Variants in CACNA1H observed in about 807,000 individuals in gnomAD.
The protein encoded by CACNA1H is calcium voltage-gated channel subunit alpha1 H.
Under a neutral mutation model 192.5 loss-of-function variants are expected in CACNA1H, and 149 were observed. That is an observed-to-expected ratio of 0.77 (90% CI 0.68 to 0.89). The LOEUF (loss-of-function observed/expected upper bound fraction) is 0.89. Ranked by LOEUF, CACNA1H falls within the 40% of genes least tolerant of loss-of-function variation. The probability of loss-of-function intolerance (pLI) is 0.00; values close to 1 mark genes in which losing one functional copy is unlikely to be tolerated. For missense variants in CACNA1H, 4,257 were observed against 3,423.5 expected (o/e 1.24, Z -6.08); for synonymous variants, 2,202 against 1,475.2 (o/e 1.49, Z -11.29).
intron 27 of CACNA1H, 92 bp from the exon 28 acceptor site, chr16:1,214,880 C>T: frequency 1.0e-6 from 1 of 962,090 alleles, no homozygotes; most frequent in Non-Finnish European, 1.6e-6. Context: ...CCAGGGCCGG[C>T]CAGCGGGGGC....
chr16:1,206,588 A>G (rs1020984805), intron 12 of CACNA1H: 25 of 474,210 alleles, frequency 5.3e-5, no homozygotes, highest in African/African-American at 4.3e-4. Context: ...CCAGGCTCCA[A>G]CTGGGGTGTT....
At chr16:1,216,175 T>A (rs917836419) in intron 30 of CACNA1H, among the ~76,000 whole-genome samples, 3 of 152,004 alleles carry the variant, frequency 2.0e-5, no homozygotes, top group South Asian at 2.1e-4. Context: ...ACCCGGCACC[T>A]CCTCCTGTTC....
chr16:1,190,714 C>T (rs1014834349), intron 2 of CACNA1H, among the ~76,000 whole-genome samples: 7 of 152,250 alleles, frequency 4.6e-5, no homozygotes, highest in African/African-American at 1.7e-4. Flanking sequence ...GGGGTGGGGT[C>T]CTTGCCATTG....
At position 1,213,830 on chromosome 16, in the gene CACNA1H, A is replaced by C; in HGVS notation, c.4828A>C (p.Ile1610Leu). Residue 1610 changes from isoleucine to leucine, a missense_variant, in exon 27 of 35, where the codon ATT (isoleucine) becomes CTT (leucine). Ile to Leu is a conservative substitution (Grantham distance 5, BLOSUM62 2). Coordinates refer to ENST00000348261, the MANE Select transcript of CACNA1H (RefSeq NM_021098.3). ...CGACTACTCGCCCACGCGCCGCTCC[A>C]TTCACTCGCTGTGCACCAGCCACTA... Reference protein sequence around the residue: ...YADYSPTRRSIHSLCTSHYLD... With the variant: ...YADYSPTRRSLHSLCTSHYLD... The C allele has an allele frequency of 6.3e-7, 1 of 1,595,956 alleles. No individual in the cohort carries two copies. Among genetic ancestry groups the C allele is most frequent in the Non-Finnish European group, 8.5e-7 (1 of 1,172,456 alleles).
intron 2 of CACNA1H, among the ~76,000 whole-genome samples, chr16:1,161,027 G>A (rs754335812): frequency 7.9e-5 from 12 of 152,292 alleles, no homozygotes; most frequent in Admixed American, 5.9e-4. Flanking sequence ...GCCTCGGGGT[G>A]AAGAGGCTCC....
At chr16:1,199,010 C>T (rs912435105) in intron 6 of CACNA1H, 6 of 521,766 alleles carry the variant, frequency 1.1e-5, no homozygotes, top group African/African-American at 6.1e-5. Flanking sequence ...ACGGTGCAGT[C>T]GCTGCACATA....
In CACNA1H at chr16:1,198,698, A is replaced by G. The variant is rs776274017; in HGVS notation, c.727A>G (p.Ile243Val). ...VLLLCFFVFF[I>V]FGIVGVQLWA... ...TCTGCTGTGCTTCTTCGTCTTCTTC[A>G]TTTTCGGCATCGTTGGCGTCCAGCT... Residue 243 changes from isoleucine to valine, a missense_variant, in exon 6 of 35, where the codon ATT (isoleucine) becomes GTT (valine). Ile to Val is a conservative substitution (Grantham distance 29, BLOSUM62 3). Coordinates refer to ENST00000348261, the MANE Select transcript of CACNA1H (RefSeq NM_021098.3). The G allele has an allele frequency of 1.4e-5, 22 of 1,613,216 alleles. No homozygotes were observed. The highest frequency in any genetic ancestry group is 1.8e-5 in the Non-Finnish European group (21 of 1,179,610).
Position 1,218,387 on chromosome 16 carries a change from G to C in CACNA1H, c.5623G>C (p.Glu1875Gln). Residue 1875 changes from glutamate to glutamine, a missense_variant, in exon 33 of 35, where the codon GAG (glutamate) becomes CAG (glutamine). Transcript: ENST00000348261. ...ESNKEAREDA[E>Q]LDAEIELEMA... ...CAACAAGGAGGCACGGGAGGATGCG[G>C]AGCTGGACGCCGAGATCGAGCTGGA... 2.6e-6 allele frequency: 4 copies of C among 1,560,272 alleles called. No individual in the cohort carries two copies. Among genetic ancestry groups the C allele is most frequent in the Non-Finnish European group, 2.6e-6 (3 of 1,153,150 alleles).
intron 2 of CACNA1H, among the ~76,000 whole-genome samples, chr16:1,176,995 A>G (rs1310310274): frequency 6.6e-6 from 1 of 152,062 alleles, no homozygotes; most frequent in Non-Finnish European, 1.5e-5. Context: ...GAGGCGCTGG[A>G]AAAGGCCTGG....
chr16:1,161,397 C>T (rs532699692), intron 2 of CACNA1H, among the ~76,000 whole-genome samples: 1 of 152,318 alleles, frequency 6.6e-6, no homozygotes, highest in East Asian at 1.9e-4. Context: ...GGGCAGAGCC[C>T]CCTGGCCGGA....
At chr16:1,206,055 G>C in intron 11 of CACNA1H, 49 bp from the exon 12 acceptor site, 1 of 1,504,116 alleles carries the variant, frequency 6.6e-7, no homozygotes, top group East Asian at 2.5e-5. Flanking sequence ...ACGAGGGCCT[G>C]GGGTCAGGGA....
At chr16:1,213,650 A>G (rs1049237534) in intron 26 of CACNA1H, 130 bp from the exon 27 acceptor site, 1 of 608,334 alleles carries the variant, frequency 1.6e-6, no homozygotes, top group Admixed American at 3.2e-5. Context: ...GGCCAGCCCC[A>G]TCTTCACATG....
At chr16:1,168,201 C>T (rs74482996) in intron 2 of CACNA1H, among the ~76,000 whole-genome samples, 4 of 151,850 alleles carry the variant, frequency 2.6e-5, no homozygotes, top group Admixed American at 2.6e-4. Context: ...GATCCCCCCC[C>T]CCAAGTGACA....
At chr16:1,200,634 G>A (rs554412075) in intron 7 of CACNA1H, 63 bp downstream of exon 7, 20 of 1,580,898 alleles carry the variant, frequency 1.3e-5, no homozygotes, top group African/African-American at 5.4e-5. Flanking sequence ...TGCAGGACTC[G>A]CCCCCCCCAG....
At chr16:1,195,206 G>A (rs959194883) in intron 3 of CACNA1H, 123 bp downstream of exon 3, 4 of 696,270 alleles carry the variant, frequency 5.7e-6, no homozygotes, top group Admixed American at 2.6e-5. Flanking sequence ...CAGGGTCGGG[G>A]ATCAGGGCGA....
In CACNA1H at chr16:1,207,047, G is replaced by T; in HGVS notation, c.2836G>T (p.Asp946Tyr). 1 of 1,601,806 alleles carries T rather than the reference G, an allele frequency of 6.2e-7. No individual in the cohort carries two copies. The highest frequency in any genetic ancestry group is 8.5e-7 in the Non-Finnish European group (1 of 1,174,316). Residue 946 changes from aspartate (D) to tyrosine (Y), a missense_variant, in exon 13 of 35, where the codon GAC (aspartate) becomes TAC (tyrosine). Asp to Tyr is a radical substitution (Grantham distance 160). Transcript: ENST00000348261. ...CGGCTGCAAGTTCAGCCTGAAGACA[G>T]ACACCGGAGACACCGTGCCTGACAG... ...LFGCKFSLKTDTGDTVPDRKN... is the reference protein window; with the variant it reads ...LFGCKFSLKTYTGDTVPDRKN...
At chr16:1,214,707 T>A (rs1453615892) in intron 27 of CACNA1H, among the ~76,000 whole-genome samples, 2 of 151,854 alleles carry the variant, frequency 1.3e-5, no homozygotes, top group Non-Finnish European at 1.5e-5. Flanking sequence ...GGTGGCTTCC[T>A]GGAGACAGTG....
chr16:1,185,279 C>G (rs1288518808), intron 2 of CACNA1H, among the ~76,000 whole-genome samples: 2 of 152,234 alleles, frequency 1.3e-5, no homozygotes, highest in Non-Finnish European at 2.9e-5. Flanking sequence ...CTGTTTCCAT[C>G]ACAGGCCATC....
In CACNA1H at chr16:1,213,896, A is replaced by G. The variant is rs746473639; in HGVS notation, c.4894A>G (p.Ile1632Val). ...FITFIICVNV[I>V]TMSMEHYNQP... The stretch of plus-strand genomic sequence containing the variant: ...CACCTTCATCATCTGTGTCAACGTC[A>G]TCACCATGTCCATGGAGCACTATAA... Residue 1632 changes from isoleucine (I) to valine (V), a missense_variant, in exon 27 of 35, where the codon ATC becomes GTC. Coordinates refer to ENST00000348261, the MANE Select transcript of CACNA1H (RefSeq NM_021098.3). The G allele has an allele frequency of 3.1e-6, 5 of 1,612,022 alleles. No individual in the cohort carries two copies. Among genetic ancestry groups the G allele is most frequent in the South Asian group, 1.1e-5 (1 of 90,708 alleles).
Sources: allele counts gnomAD v4.1 joint callset (sites outside exome capture counted in the v4.1 genomes callset), GRCh38; gene constraint gnomAD v4.1.1; transcripts MANE v1.5; gene names NCBI Gene and HGNC (gene_info 2026-07-23, HGNC 2026-07-21).